The following SAMD12 variants were observed in gnomAD, a reference collection of about 807,000 sequenced individuals.
SAMD12 encodes the protein sterile alpha motif domain containing 12, also known as sterile alpha motif domain-containing protein 12.
SAMD12 carries 9 observed loss-of-function variants against 15.0 expected under a neutral mutation model. The observed-to-expected ratio is 0.60, with a 90% CI of 0.36 to 1.05. SAMD12 has a LOEUF of 1.05. SAMD12 is among the 50% of genes least tolerant of loss of function. The pLI is 0.01. For missense variants in SAMD12, 230 were observed against 234.2 expected (o/e 0.98, Z 0.12); for synonymous variants, 86 against 90.1 (o/e 0.96, Z 0.25).
intron 3 of SAMD12, among the ~76,000 whole-genome samples, chr8:118,435,181 A>C (rs10283133): frequency 6.6e-6 from 1 of 150,762 alleles, no homozygotes; most frequent in Non-Finnish European, 1.5e-5. Flanking sequence ...CTACGGTTTC[A>C]CTTTGTGCAG....
rs36228827 is a variant in SAMD12, at chr8:118,548,384, TACACACACACACACACACACACAC to T, written c.192+32307_192+32330del. ...ATACCCTTTACACTAAAAACACACATACACACACACACACACACACACACACACACACACACACACCCCATGTGA... is the reference window on the plus strand; with the variant it reads ...ATACCCTTTACACTAAAAACACACATACACACACACACACACCCCATGTGA... On this transcript the variant is annotated intron_variant, in intron 2 of 3. Coordinates refer to ENST00000314727, the MANE Select transcript of SAMD12 (RefSeq NM_207506.3). Among the ~76,000 whole-genome samples the T allele has an allele frequency of 2.4e-3, 332 of 139,910 alleles. 1 individual carries two copies. The highest frequency in any genetic ancestry group is 4.1e-3 in the Non-Finnish European group (264 of 63,724). 91.8% of individuals were successfully genotyped at this position (139,910 alleles called of 152,430 possible).
chr8:118,601,266 T>C (rs550512573), intron 1 of SAMD12, among the ~76,000 whole-genome samples: 115 of 152,284 alleles, frequency 7.6e-4, no homozygotes, highest in African/African-American at 2.7e-3. Flanking sequence ...TTAAAAAAAT[T>C]CTTAAATTTC....
At chr8:118,501,200 T>C (rs911233446) in intron 2 of SAMD12, among the ~76,000 whole-genome samples, 22 of 152,230 alleles carry the variant, frequency 1.4e-4, no homozygotes, top group African/African-American at 5.1e-4. Flanking sequence ...TTAGAAACTG[T>C]CAGTTTTATA....
intron 3 of SAMD12, among the ~76,000 whole-genome samples, chr8:118,412,094 G>C (rs1221632848): frequency 6.6e-6 from 1 of 152,162 alleles, no homozygotes; most frequent in Non-Finnish European, 1.5e-5. Flanking sequence ...CACCTAGAGG[G>C]TAAAGCCAAG....
the SAMD12 span, among the ~76,000 whole-genome samples, chr8:118,142,898 A>G: frequency 1.3e-5 from 2 of 152,234 alleles, no homozygotes; most frequent in African/African-American, 4.8e-5. Context: ...GTTTGCCTAG[A>G]GCACAGACCC....
intron 2 of SAMD12, among the ~76,000 whole-genome samples, chr8:118,533,522 C>G (rs1825749214): frequency 6.6e-6 from 1 of 152,116 alleles, no homozygotes. Context: ...GTTGATCTGT[C>G]TAATGTTGAC....
chr8:118,457,234 T>C (rs1331959327), intron 2 of SAMD12, among the ~76,000 whole-genome samples: 3 of 151,628 alleles, frequency 2.0e-5, no homozygotes, highest in African/African-American at 7.3e-5. Context: ...TTTTTTTTTT[T>C]TTTGTTTGCT....
chr8:118,261,825 C>T (rs1813084404), intron 4 of SAMD12, among the ~76,000 whole-genome samples: 1 of 151,766 alleles, frequency 6.6e-6, no homozygotes, highest in Admixed American at 6.6e-5. Flanking sequence ...CAGAGCTGAA[C>T]CTGGTGGAGT....
At chr8:118,599,679 T>C (rs988938231) in intron 1 of SAMD12, among the ~76,000 whole-genome samples, 1 of 152,194 alleles carries the variant, frequency 6.6e-6, no homozygotes, top group Non-Finnish European at 1.5e-5. Flanking sequence ...GTGTGGGAAC[T>C]GGCCCTAAGT....
At chr8:118,610,384 AC>A (rs1160432577) in intron 1 of SAMD12, among the ~76,000 whole-genome samples, 1 of 152,206 alleles carries the variant, frequency 6.6e-6, no homozygotes, top group African/African-American at 2.4e-5. Context: ...ACTTTGACAG[AC>A]CGGAAAGCAA....
intron 2 of SAMD12, among the ~76,000 whole-genome samples, chr8:118,473,843 C>T (rs1823880061): frequency 6.6e-6 from 1 of 152,210 alleles, no homozygotes; most frequent in African/African-American, 2.4e-5. Flanking sequence ...ACTAAGTCTC[C>T]TCCATCCTCT....
intron 2 of SAMD12, among the ~76,000 whole-genome samples, chr8:118,544,667 A>G (rs891389267): frequency 2.0e-5 from 3 of 152,164 alleles, no homozygotes; most frequent in African/African-American, 7.2e-5. Context: ...GACAGCCAAA[A>G]ACCATGCAAG....
chr8:118,397,006 A>G (rs1246900409), intron 3 of SAMD12, among the ~76,000 whole-genome samples: 1 of 152,228 alleles, frequency 6.6e-6, no homozygotes, highest in East Asian at 1.9e-4. Flanking sequence ...TGCAACTGCT[A>G]CCATGGGGAA....
the SAMD12 span, among the ~76,000 whole-genome samples, chr8:118,173,592 A>G: frequency 1.4e-5 from 2 of 147,342 alleles, no homozygotes; most frequent in Admixed American, 6.8e-5. Context: ...TATAGATTAT[A>G]TATTTATATT....
intron 4 of SAMD12, among the ~76,000 whole-genome samples, chr8:118,246,358 G>C (rs935443127): frequency 1.3e-5 from 2 of 152,088 alleles, no homozygotes; most frequent in Admixed American, 6.6e-5. Flanking sequence ...GCTTTTGTCT[G>C]CTTGTAAAAG....
At chr8:118,181,995 A>C in the SAMD12 span, among the ~76,000 whole-genome samples, 1 of 152,168 alleles carries the variant, frequency 6.6e-6, no homozygotes, top group East Asian at 1.9e-4. Flanking sequence ...ATAAACTGAG[A>C]CCACATTATT....
intron 4 of SAMD12, among the ~76,000 whole-genome samples, chr8:118,321,144 AATATATATAT>A (rs4053452): frequency 0.13 from 11,879 of 94,176 alleles, 971 homozygotes; most frequent in East Asian, 0.39. Context: ...ATAGATAATA[AATATATATAT>A]ATATATATAT....
intron 3 of SAMD12, among the ~76,000 whole-genome samples, chr8:118,436,142 A>AT (rs11422235): frequency 0.48 from 73,482 of 151,896 alleles, 19,023 homozygotes; most frequent in Admixed American, 0.59. Context: ...TGCAAGCACA[A>AT]TTTTTTCCTA....
At chr8:118,553,003 T>G (rs1422642115) in intron 2 of SAMD12, among the ~76,000 whole-genome samples, 1 of 152,072 alleles carries the variant, frequency 6.6e-6, no homozygotes, top group Non-Finnish European at 1.5e-5. Flanking sequence ...CAAGGAGAAC[T>G]GCAAACCACT....
Sources: gnomAD v4.1 joint callset for allele counts (sites outside exome capture counted in the v4.1 genomes callset) on GRCh38, gnomAD v4.1.1 for gene constraint, MANE v1.5 for transcripts, NCBI Gene and HGNC (gene_info 2026-07-23, HGNC 2026-07-21) for gene names.